Variants in ITGA8 observed in about 807,000 individuals in gnomAD.
ITGA8 encodes integrin subunit alpha 8.
A neutral mutation model predicts 142.3 loss-of-function variants in ITGA8; 91 were observed. The ratio of observed to expected loss-of-function variants is 0.64; its 90% CI spans 0.54 to 0.76. The LOEUF is 0.76. Among genes scored for constraint, ITGA8 ranks in the 30% least tolerant of loss-of-function variants. The pLI, the probability that ITGA8 is intolerant of heterozygous loss-of-function variation, is 0.00. For synonymous variants in ITGA8, 505 were observed against 485.2 expected, an observed-to-expected ratio of 1.04 and a Z score of -0.54; for missense variants, 1,406 against 1,327.7, an observed-to-expected ratio of 1.06 and a Z score of -0.92.
chr10:15,622,627 C>T (rs1342804313), intron 13 of ITGA8, among the ~76,000 whole-genome samples: 11 of 151,284 alleles, frequency 7.3e-5, no homozygotes, highest in African/African-American at 2.7e-4. Flanking sequence ...ATGAGCAAGG[C>T]TGAAAGAGAA....
chr10:15,656,684 G>T lies in ITGA8; in HGVS notation c.949-1278C>A, dbSNP rs11593806. On this transcript the variant is annotated intron_variant, in intron 10 of 29. Transcript: ENST00000378076. ...GGCCTCTCCCCATTTTATCGCTGCA[G>T]TTTTTCTTTTTAAACCTATGTTTTT... is the stretch of plus-strand genomic sequence containing the variant. 4.0e-5 allele frequency among the ~76,000 whole-genome samples: 6 copies of T among 151,834 alleles called. No homozygotes were observed. The South Asian group carries it at 1.2e-3, about 32-fold the overall frequency.
chr10:15,559,513 G>A (rs1242374241), intron 25 of ITGA8, among the ~76,000 whole-genome samples: 1 of 152,198 alleles, frequency 6.6e-6, no homozygotes, highest in African/African-American at 2.4e-5. Flanking sequence ...GAGATCAGAT[G>A]TAGGAGGTAA....
intron 6 of ITGA8, among the ~76,000 whole-genome samples, chr10:15,673,434 CATTTGGTCAAAT>C (rs1167523011): frequency 1.3e-5 from 2 of 152,118 alleles, no homozygotes; most frequent in Non-Finnish European, 2.9e-5. Context: ...GCTTTGAGAT[CATTTGGTCAAAT>C]ATAGCTTCTT....
intron 5 of ITGA8, 125 bp from the exon 6 acceptor site, chr10:15,677,762 TA>T: frequency 1.3e-6 from 1 of 774,880 alleles, no homozygotes; most frequent in Non-Finnish European, 2.1e-6. Flanking sequence ...AAGCAATTTT[TA>T]AAAGAGATCC....
At chr10:15,528,789 C>A (rs961935480) in intron 28 of ITGA8, among the ~76,000 whole-genome samples, 1 of 152,156 alleles carries the variant, frequency 6.6e-6, no homozygotes, top group Non-Finnish European at 1.5e-5. Flanking sequence ...ATCCCAAAGC[C>A]TCTGTTTTCT....
chr10:15,622,344 G>A (rs76517114), intron 13 of ITGA8, among the ~76,000 whole-genome samples: 3,698 of 135,330 alleles, frequency 0.027, 149 homozygotes, highest in African/African-American at 0.092. Flanking sequence ...TCCCAAAAAT[G>A]CCATTGGACA....
chr10:15,587,814 T>C (rs1303896823), intron 22 of ITGA8, among the ~76,000 whole-genome samples: 1 of 152,210 alleles, frequency 6.6e-6, no homozygotes, highest in Non-Finnish European at 1.5e-5. Flanking sequence ...CAAATATAAT[T>C]AGATATGAAA....
At chr10:15,521,907 T>C (rs1833079724) in intron 28 of ITGA8, among the ~76,000 whole-genome samples, 1 of 152,194 alleles carries the variant, frequency 6.6e-6, no homozygotes, top group Non-Finnish European at 1.5e-5. Context: ...CAAGTGGATC[T>C]CATGGAGGTA....
chr10:15,631,580 A>G lies in ITGA8; in HGVS notation c.1399+12450T>C, dbSNP rs1833686312. Among the ~76,000 whole-genome samples, 2 of 151,842 alleles carry G rather than the reference A, an allele frequency of 1.3e-5. 1 individual carries two copies. The highest frequency in any genetic ancestry group is 4.2e-4 in the South Asian group (2 of 4,806). On this transcript the variant is annotated intron_variant, in intron 13 of 29. Transcript: ENST00000378076. The stretch of plus-strand genomic sequence containing the variant: ...GGGTCCTGTTGAGGGGTGGGAGGCT[A>G]GGGAAGGGATAGCATTAGGAGAAAT...
intron 27 of ITGA8, among the ~76,000 whole-genome samples, chr10:15,540,065 T>A (rs751002237): frequency 1.3e-5 from 2 of 152,342 alleles, no homozygotes; most frequent in Non-Finnish European, 2.9e-5. Flanking sequence ...TGTGGAACTG[T>A]GAGTCAATTA....
intron 4 of ITGA8, among the ~76,000 whole-genome samples, chr10:15,679,531 G>A (rs1834697011): frequency 6.6e-6 from 1 of 152,100 alleles, no homozygotes; most frequent in African/African-American, 2.4e-5. Context: ...GCAGTGAGCC[G>A]AGATCATGCC....
intron 8 of ITGA8, among the ~76,000 whole-genome samples, chr10:15,670,975 C>T (rs529726753): frequency 1.3e-5 from 2 of 152,296 alleles, no homozygotes; most frequent in South Asian, 2.1e-4. Context: ...TCCCAGGCTC[C>T]GTTTTCTTAA....
At chr10:15,546,590 A>G (rs74668534) in intron 27 of ITGA8, among the ~76,000 whole-genome samples, 293 of 152,212 alleles carry the variant, frequency 1.9e-3, no homozygotes, top group Admixed American at 3.9e-3. Flanking sequence ...TAAGTATCCT[A>G]TAATGCCCAG....
intron 2 of ITGA8, among the ~76,000 whole-genome samples, chr10:15,711,674 A>G (rs1408984727): frequency 6.6e-6 from 1 of 151,874 alleles, no homozygotes; most frequent in Non-Finnish European, 1.5e-5. Context: ...ATTCCCTGCT[A>G]TTACACCTTT....
intron 10 of ITGA8, among the ~76,000 whole-genome samples, chr10:15,657,155 A>C (rs2131667172): frequency 6.6e-6 from 1 of 152,344 alleles, no homozygotes; most frequent in Admixed American, 6.5e-5. Context: ...TCAGGATTAC[A>C]GAACTAGGTG....
At chr10:15,607,526 GT>G in intron 17 of ITGA8, 150 bp downstream of exon 17, 1 of 706,712 alleles carries the variant, frequency 1.4e-6, no homozygotes, top group Non-Finnish European at 2.5e-6. Flanking sequence ...CAAGAGGAGA[GT>G]ATTTGACCCT....
chr10:15,517,163 C>A lies in ITGA8; in HGVS notation c.3187G>T (p.Ala1063Ser). The A allele has an allele frequency of 6.2e-7, 1 of 1,611,250 alleles. No homozygotes were observed. The highest frequency in any genetic ancestry group is 8.5e-7 in the Non-Finnish European group (1 of 1,178,038). ...GGTCTTCTTTTTTTTTCTTGTCATG[C>A]CTCAGGGGTCTTGTCATTTGTCAGC... is the stretch of plus-strand genomic sequence containing the variant. ...EQLTNDKTPE[A>S] The change falls in exon 30 of 30, where the codon GCA becomes TCA. Residue 1063 changes from alanine to serine, a missense_variant. Coordinates refer to ENST00000378076, the MANE Select transcript of ITGA8 (RefSeq NM_003638.3).
At chr10:15,570,482 C>T (rs544115303) in intron 25 of ITGA8, among the ~76,000 whole-genome samples, 52 of 151,954 alleles carry the variant, frequency 3.4e-4, no homozygotes, top group Middle Eastern at 3.4e-3. Context: ...TGGTGGTACA[C>T]GCCTGTAATC....
At chr10:15,567,613 AAACTATCACCGGAGAAACAGG>A (rs1413107509) in intron 25 of ITGA8, among the ~76,000 whole-genome samples, 1 of 152,218 alleles carries the variant, frequency 6.6e-6, no homozygotes, top group Non-Finnish European at 1.5e-5. Context: ...GATGAAGCAG[AAACTATCACCGGAGAAACAGG>A]AACTCAAAGG....
Sources: gnomAD v4.1 joint callset for allele counts (sites outside exome capture counted in the v4.1 genomes callset) on GRCh38, gnomAD v4.1.1 for gene constraint, MANE v1.5 for transcripts, NCBI Gene and HGNC (gene_info 2026-07-23, HGNC 2026-07-21) for gene names.